TBC1D32: variants seen among roughly 807,000 people sequenced by gnomAD.
TBC1D32 encodes the protein protein broad-minded.
TBC1D32 carries 151 observed loss-of-function variants against 170.3 expected under a neutral mutation model. That is an observed-to-expected ratio of 0.89 (90% CI 0.78 to 1.01). The LOEUF (loss-of-function observed/expected upper bound fraction) is 1.01, where lower values mean the gene tolerates loss of function less well. TBC1D32 is among the 50% of genes least tolerant of loss of function. The pLI, the probability that TBC1D32 is intolerant of heterozygous loss-of-function variation, is 0.00. For synonymous variants in TBC1D32, 498 were observed against 488.0 expected, an observed-to-expected ratio of 1.02 and a Z score of -0.27; for missense variants, 1,464 against 1,457.1, an observed-to-expected ratio of 1.00 and a Z score of -0.08.
At chr6:121,292,585 C>T (rs1563271192) in intron 11 of TBC1D32, among the ~76,000 whole-genome samples, 1 of 152,102 alleles carries the variant, frequency 6.6e-6, no homozygotes. Context: ...ATCATATTAA[C>T]AAGCACGTCT....
At chr6:121,139,418 T>C (rs1386927238) in intron 24 of TBC1D32, among the ~76,000 whole-genome samples, 1 of 152,212 alleles carries the variant, frequency 6.6e-6, no homozygotes, top group Non-Finnish European at 1.5e-5. Context: ...ACTATTAGAA[T>C]TGGAGAATGG....
intron 21 of TBC1D32, among the ~76,000 whole-genome samples, chr6:121,220,407 T>C (rs916665772): frequency 6.6e-6 from 1 of 152,042 alleles, no homozygotes; most frequent in Non-Finnish European, 1.5e-5. Context: ...CAAACCCTAA[T>C]CCAGAGAAGG....
Position 121,283,908 on chromosome 6 carries a change from A to C in TBC1D32, c.1375T>G (p.Leu459Val). ...FPIKLKNKKG[L>V]VSLIDLLVLF... ...ACAAGCAGATCTATGAGGGATACCA[A>C]ACCTTTAAAAAGAAAATAAAGAGAA... The change falls in exon 13 of 32, where the codon TTG becomes GTG. Residue 459 changes from leucine (L) to valine (V), a missense_variant and splice_region_variant. Physicochemically the swap from Leu to Val is conservative, Grantham distance 32 (BLOSUM62 1). Coordinates refer to ENST00000398212, the MANE Select transcript of TBC1D32 (RefSeq NM_152730.6). The C allele has an allele frequency of 6.3e-7, 1 of 1,583,662 alleles. No homozygotes were observed. Among genetic ancestry groups the C allele is most frequent in the Non-Finnish European group, 8.6e-7 (1 of 1,160,428 alleles).
At chr6:121,247,144 C>A (rs1797716279) in intron 17 of TBC1D32, among the ~76,000 whole-genome samples, 1 of 152,026 alleles carries the variant, frequency 6.6e-6, no homozygotes, top group South Asian at 2.1e-4. Flanking sequence ...ACCTTACAAG[C>A]CAGAAGGAAC....
intron 22 of TBC1D32, among the ~76,000 whole-genome samples, chr6:121,195,625 C>A (rs549328736): frequency 1.3e-5 from 2 of 152,264 alleles, no homozygotes; most frequent in Non-Finnish European, 2.9e-5. Context: ...GGAAGTGACT[C>A]AAATGCCCTT....
intron 24 of TBC1D32, among the ~76,000 whole-genome samples, chr6:121,157,912 T>C (rs1785117845): frequency 6.6e-6 from 1 of 152,138 alleles, no homozygotes; most frequent in Non-Finnish European, 1.5e-5. Context: ...TGACCCAACC[T>C]TTCTCTCTAG....
intron 17 of TBC1D32, among the ~76,000 whole-genome samples, chr6:121,245,264 G>A (rs912322150): frequency 7.9e-5 from 12 of 152,322 alleles, no homozygotes; most frequent in Non-Finnish European, 1.5e-4. Context: ...GAGACTTGAA[G>A]ACAGGTCACA....
At chr6:121,255,479 A>ATATTTATAATTATATTTTATAATTT (rs1798850108) in intron 16 of TBC1D32, 69 bp from the exon 17 acceptor site, 2 of 334,646 alleles carry the variant, frequency 6.0e-6, no homozygotes, top group African/African-American at 4.6e-5. Flanking sequence ...TTTTATAATT[A>ATATTTATAATTATATTTTATAATTT]TATTTATAAT....
chr6:121,304,197 C>T (rs1806965573), intron 8 of TBC1D32, among the ~76,000 whole-genome samples, 168 bp downstream of exon 8: 1 of 150,702 alleles, frequency 6.6e-6, no homozygotes, highest in Non-Finnish European at 1.5e-5. Context: ...ATTCACATAG[C>T]TAAGTATAAA....
At chr6:121,123,541 T>C (rs112582310) in intron 26 of TBC1D32, among the ~76,000 whole-genome samples, 2,177 of 152,182 alleles carry the variant, frequency 0.014, 14 homozygotes, top group Middle Eastern at 0.031. Context: ...TCATCTGATA[T>C]AAGTATAGTT....
chr6:121,305,117 G>C (rs1374429235), intron 5 of TBC1D32, among the ~76,000 whole-genome samples: 1 of 152,066 alleles, frequency 6.6e-6, no homozygotes, highest in Non-Finnish European at 1.5e-5. Flanking sequence ...AGGTTTCATA[G>C]AGGAGACAAT....
chr6:121,104,725 T>C (rs1778513500), intron 30 of TBC1D32, among the ~76,000 whole-genome samples: 1 of 151,740 alleles, frequency 6.6e-6, no homozygotes, highest in Non-Finnish European at 1.5e-5. Flanking sequence ...ATGAGAAATG[T>C]ACCATATCCA....
rs143502351 is a variant in TBC1D32, at chr6:121,176,746, G to A, written c.2571-15690C>T. 1.5e-3 allele frequency among the ~76,000 whole-genome samples: 232 copies of A among 152,050 alleles called. 1 individual carries two copies. Among genetic ancestry groups the A allele is most frequent in the African/African-American group, 5.4e-3 (224 of 41,492 alleles). On this transcript the variant is annotated intron_variant, in intron 22 of 31. Transcript: ENST00000398212. ...CTGGAGTAGCTGGAATTACAGGCAC[G>A]CGCCACCACGCCCAGCTAATTTTTG...
chr6:121,182,921 T>C (rs1191284232), intron 22 of TBC1D32, among the ~76,000 whole-genome samples: 1 of 152,090 alleles, frequency 6.6e-6, no homozygotes, highest in Non-Finnish European at 1.5e-5. Flanking sequence ...GGTGTATTTT[T>C]AGATTTTTTT....
intron 22 of TBC1D32, among the ~76,000 whole-genome samples, chr6:121,188,297 A>T (rs558762202): frequency 3.9e-4 from 60 of 152,290 alleles, no homozygotes; most frequent in Non-Finnish European, 7.8e-4. Context: ...ATATATTACT[A>T]GCATGTACTT....
intron 15 of TBC1D32, among the ~76,000 whole-genome samples, chr6:121,260,259 T>C (rs1016595995): frequency 6.6e-6 from 1 of 151,660 alleles, no homozygotes. Flanking sequence ...TGATGAGAAA[T>C]ACAGAAAGCA....
At chr6:121,210,508 A>AT (rs1792895512) in intron 21 of TBC1D32, among the ~76,000 whole-genome samples, 1 of 152,200 alleles carries the variant, frequency 6.6e-6, no homozygotes, top group South Asian at 2.1e-4. Context: ...TTACCTTTCA[A>AT]CCCAGTAATC....
At chr6:121,267,778 C>T (rs1800746279) in intron 15 of TBC1D32, among the ~76,000 whole-genome samples, 1 of 151,586 alleles carries the variant, frequency 6.6e-6, no homozygotes, top group Non-Finnish European at 1.5e-5. Flanking sequence ...TTCTCCCTCT[C>T]TCCTCCTCCT....
intron 1 of TBC1D32, among the ~76,000 whole-genome samples, chr6:121,330,352 G>C (rs191295700): frequency 1.3e-5 from 2 of 152,158 alleles, no homozygotes; most frequent in African/African-American, 4.8e-5. Context: ...ATATTTTCTT[G>C]AATTACCTCT....
Sources: allele counts gnomAD v4.1 joint callset (sites outside exome capture counted in the v4.1 genomes callset), GRCh38; gene constraint gnomAD v4.1.1; transcripts MANE v1.5; gene names NCBI Gene and HGNC (gene_info 2026-07-23, HGNC 2026-07-21).